The following RTL5 variants were observed in gnomAD, a reference collection of about 807,000 sequenced individuals.
RTL5 encodes the protein retrotransposon Gag like 5.
RTL5 carries 8 observed loss-of-function variants against 7.7 expected under a neutral mutation model. The ratio of observed to expected loss-of-function variants is 1.04; its 90% CI spans 0.61 to 1.88. RTL5 has a LOEUF of 1.88. Ranked by LOEUF, RTL5 falls within the 40% of genes most tolerant of loss-of-function variation. The pLI is 0.00. For missense variants in RTL5, 457 were observed against 472.7 expected, an observed-to-expected ratio of 0.97 and a Z score of 0.31; for synonymous variants, 188 against 191.8, an observed-to-expected ratio of 0.98 and a Z score of 0.16.
chrX:72,131,359 A>G (rs1389476779), exon 1 of RTL5: 1 of 1,206,253 alleles, frequency 8.3e-7, no homozygotes, highest in Non-Finnish European at 1.1e-6. Context: ...AAGGACGGGC[A>G]CTATGGGTAC....
At chrX:72,131,763 G>A in exon 1 of RTL5, 1 of 259,549 alleles carries the variant, frequency 3.9e-6, no homozygotes, top group Non-Finnish European at 6.6e-6. Flanking sequence ...CCTCGTCGCC[G>A]GGGCCGGAGA....
exon 1 of RTL5, chrX:72,131,542 T>A: frequency 8.5e-7 from 1 of 1,176,757 alleles, no homozygotes; most frequent in Non-Finnish European, 1.1e-6. Flanking sequence ...CTCAGACATC[T>A]CGACAAGCCC....
At chrX:72,131,058 G>A in exon 1 of RTL5, 1 of 1,210,585 alleles carries the variant, frequency 8.3e-7, no homozygotes, top group Admixed American at 2.2e-5. Flanking sequence ...CAGCCAGGTA[G>A]ACTGGGTCTC....
chrX:72,131,243 A>C, exon 1 of RTL5: 1 of 1,201,293 alleles, frequency 8.3e-7, no homozygotes, highest in Non-Finnish European at 1.1e-6. Context: ...AGATCATCCG[A>C]GATACAGTCG....
exon 1 of RTL5, chrX:72,129,804 T>C: frequency 8.5e-7 from 1 of 1,170,853 alleles, no homozygotes; most frequent in Non-Finnish European, 1.1e-6. Flanking sequence ...GAAGGGTGTG[T>C]TCTGGGTGGC....
At chrX:72,130,263 T>C in exon 1 of RTL5, 7 of 1,205,615 alleles carry the variant, frequency 5.8e-6, no homozygotes, top group Non-Finnish European at 7.9e-6. Context: ...CATCCTCATC[T>C]TCATCTTCTT....
upstream of RTL5, chrX:72,131,868 A>G: frequency 3.1e-6 from 1 of 317,684 alleles, no homozygotes; most frequent in Non-Finnish European, 5.3e-6. Context: ...GCGGGCGGGC[A>G]GGGGCGAGCG....
chrX:72,127,328 C>G, downstream of RTL5: 1 of 93,553 alleles, frequency 1.1e-5, no homozygotes, highest in Middle Eastern at 5.5e-3. Context: ...CACAGTTCCT[C>G]TTACAGCTCT....
At chrX:72,131,773 A>G in exon 1 of RTL5, 1 of 226,189 alleles carries the variant, frequency 4.4e-6, no homozygotes, top group Non-Finnish European at 7.6e-6. Flanking sequence ...GGGGCCGGAG[A>G]GGGCGGGCGG....
exon 1 of RTL5, chrX:72,129,514 A>G (rs2042261682): frequency 3.8e-6 from 1 of 264,715 alleles, no homozygotes; most frequent in Non-Finnish European, 6.7e-6. Flanking sequence ...CAGAGGGGAA[A>G]TACAAGAGGG....
exon 1 of RTL5, chrX:72,130,454 T>C (rs1185142104): frequency 1.5e-5 from 18 of 1,207,406 alleles, no homozygotes; most frequent in Non-Finnish European, 1.8e-5. Context: ...ATGCGCTTCC[T>C]CTGGTCCTTG....
exon 1 of RTL5, chrX:72,129,993 T>C (rs2042269861): frequency 3.3e-6 from 4 of 1,211,426 alleles, no homozygotes; most frequent in Non-Finnish European, 3.4e-6. Flanking sequence ...CTGGAAGGCC[T>C]TCCAGAAGTG....
chrX:72,131,661 G>C, exon 1 of RTL5: 1 of 730,505 alleles, frequency 1.4e-6, no homozygotes, highest in Non-Finnish European at 1.9e-6. Context: ...GCGGCAGCGG[G>C]GCACGGGCCA....
chrX:72,129,954 G>C (rs190486391), exon 1 of RTL5: 117 of 1,209,550 alleles, frequency 9.7e-5, no homozygotes, highest in Admixed American at 5.4e-4. Context: ...GAATCAGTTG[G>C]GGGGAGCTGT....
exon 1 of RTL5, chrX:72,128,855 G>A (rs1317277573): frequency 1.8e-5 from 2 of 113,251 alleles, no homozygotes; most frequent in East Asian, 5.5e-4. Flanking sequence ...CCAAGGCCTG[G>A]CAAGGGGAGA....
At chrX:72,129,890 A>G (rs775013210) in exon 1 of RTL5, 2 of 1,209,446 alleles carry the variant, frequency 1.7e-6, no homozygotes, top group Non-Finnish European at 2.2e-6. Context: ...GTGAGGCGGA[A>G]AAGCACAGGG....
exon 1 of RTL5, chrX:72,130,010 G>C: frequency 8.3e-7 from 1 of 1,211,098 alleles, no homozygotes; most frequent in Non-Finnish European, 1.1e-6. Context: ...AGTGGGACTC[G>C]ATTCTGGTTC....
chrX:72,130,886 G>T (rs1451453037), exon 1 of RTL5: 1 of 1,210,031 alleles, frequency 8.3e-7, no homozygotes, highest in Admixed American at 2.2e-5. Context: ...TCCAGGAAGC[G>T]CGGGAAGTTG....
rs1235095981 is a variant in RTL5, at chrX:72,131,139, G to T, written c.402C>A (p.Pro134=). The T allele has an allele frequency of 6.7e-6, 8 of 1,189,710 alleles. No homozygotes were observed. The African/African-American group carries it at 1.4e-4, about 21-fold the overall frequency. Reference sequence around the variant, plus strand: ...GTTGCGGGGGCGGTTCCTTTGACGCGGGCGGAGGCAGCGCCGGCGGGGGCG... The same window carrying T: ...GTTGCGGGGGCGGTTCCTTTGACGCTGGCGGAGGCAGCGCCGGCGGGGGCG... The change falls in exon 1 of 1, where the codon CCC becomes CCA. Residue 134 remains proline, a synonymous_variant. Transcript: ENST00000609883.
Sources: gnomAD v4.1 joint callset for allele counts on GRCh38, gnomAD v4.1.1 for gene constraint, MANE v1.5 for transcripts, NCBI Gene and HGNC (gene_info 2026-07-23, HGNC 2026-07-21) for gene names.